INPP4B: variants seen among roughly 807,000 people sequenced by gnomAD.
INPP4B encodes the protein inositol polyphosphate 4-phosphatase type II.
A neutral mutation model predicts 122.5 loss-of-function variants in INPP4B; 55 were observed. The observed-to-expected ratio is 0.45, with a 90% CI of 0.36 to 0.56. The LOEUF is 0.56. Ranked by LOEUF, INPP4B falls within the 20% of genes least tolerant of loss-of-function variation. The pLI, the probability that INPP4B is intolerant of heterozygous loss-of-function variation, is 0.00. For synonymous variants in INPP4B, 403 were observed against 388.7 expected (o/e 1.04, Z -0.43); for missense variants, 1,000 against 1,097.7 (o/e 0.91, Z 1.26).
At chr4:142,131,677 C>T (rs1054195085) in intron 18 of INPP4B, among the ~76,000 whole-genome samples, 5 of 152,186 alleles carry the variant, frequency 3.3e-5, no homozygotes, top group Non-Finnish European at 7.4e-5. Flanking sequence ...GCCCTACAGC[C>T]GAGCGTGGTG....
intron 2 of INPP4B, among the ~76,000 whole-genome samples, chr4:142,546,233 C>T (rs1380642588): frequency 6.6e-6 from 1 of 152,048 alleles, no homozygotes; most frequent in Non-Finnish European, 1.5e-5. Context: ...TAATGGCCTC[C>T]AGCTCTATCT....
chr4:142,816,670 A>G (rs905274891), intron 1 of INPP4B, among the ~76,000 whole-genome samples: 1 of 152,132 alleles, frequency 6.6e-6, no homozygotes, highest in Non-Finnish European at 1.5e-5. Context: ...ACAGAAATAT[A>G]TATACATATA....
At chr4:142,488,134 C>T (rs938772744) in intron 2 of INPP4B, among the ~76,000 whole-genome samples, 1 of 151,992 alleles carries the variant, frequency 6.6e-6, no homozygotes, top group Admixed American at 6.6e-5. Context: ...TTTTCAGTTG[C>T]TTTTTCTACC....
At chr4:142,116,788 A>G (rs538186223) in intron 21 of INPP4B, among the ~76,000 whole-genome samples, 2 of 152,322 alleles carry the variant, frequency 1.3e-5, no homozygotes, top group East Asian at 1.9e-4. Flanking sequence ...AAAAGCTAGC[A>G]GAAGGCAAGA....
chr4:142,448,297 T>C (rs760557308), intron 3 of INPP4B, among the ~76,000 whole-genome samples: 4 of 122,196 alleles, frequency 3.3e-5, no homozygotes, highest in Non-Finnish European at 4.8e-5. Context: ...AGATATAAAG[T>C]GCCGAATCAA....
intron 1 of INPP4B, among the ~76,000 whole-genome samples, chr4:142,737,708 A>G (rs1243662471): frequency 6.6e-6 from 1 of 152,182 alleles, no homozygotes; most frequent in Non-Finnish European, 1.5e-5. Flanking sequence ...TTTACAATCT[A>G]CTCATCTGAC....
intron 18 of INPP4B, among the ~76,000 whole-genome samples, chr4:142,139,357 A>T (rs1806505371): frequency 6.6e-6 from 1 of 152,138 alleles, no homozygotes; most frequent in Non-Finnish European, 1.5e-5. Context: ...CCCAGCCTGG[A>T]GTGCAATGGC....
intron 1 of INPP4B, among the ~76,000 whole-genome samples, chr4:142,735,047 G>C (rs772706318): frequency 3.3e-5 from 5 of 152,100 alleles, no homozygotes; most frequent in Non-Finnish European, 7.4e-5. Flanking sequence ...GTGATCATTG[G>C]AGAACCGACG....
At chr4:142,305,829 A>G in intron 8 of INPP4B, 1 of 1,146,020 alleles carries the variant, frequency 8.7e-7, no homozygotes, top group Non-Finnish European at 1.1e-6. Flanking sequence ...TTTTCTCTGC[A>G]TATGAAAACT....
At chr4:142,492,103 C>G (rs147229101) in intron 2 of INPP4B, among the ~76,000 whole-genome samples, 156 of 152,118 alleles carry the variant, frequency 1.0e-3, no homozygotes, top group African/African-American at 3.5e-3. Context: ...AAGGGCTTTT[C>G]ACCCTTTGCT....
intron 14 of INPP4B, among the ~76,000 whole-genome samples, chr4:142,201,302 A>G (rs1302435554): frequency 1.3e-5 from 2 of 152,196 alleles, no homozygotes; most frequent in East Asian, 3.9e-4. Flanking sequence ...ACAGTTGTGT[A>G]ATCTTTAACT....
intron 7 of INPP4B, among the ~76,000 whole-genome samples, chr4:142,386,940 A>G (rs1579920818): frequency 6.6e-6 from 1 of 152,300 alleles, no homozygotes; most frequent in East Asian, 1.9e-4. Context: ...TTGATCTCTC[A>G]GAGCAGCTGG....
intron 9 of INPP4B, among the ~76,000 whole-genome samples, chr4:142,290,982 A>ATT (rs1756235539): frequency 6.6e-6 from 1 of 152,112 alleles, no homozygotes; most frequent in Non-Finnish European, 1.5e-5. Flanking sequence ...TATTATTTTT[A>ATT]AATCTCAAAT....
chr4:142,394,630 G>A (rs1460265074), intron 7 of INPP4B, among the ~76,000 whole-genome samples: 1 of 152,044 alleles, frequency 6.6e-6, no homozygotes, highest in African/African-American at 2.4e-5. Context: ...TTTGACGAAT[G>A]TTTATGCAGG....
intron 9 of INPP4B, among the ~76,000 whole-genome samples, chr4:142,287,866 TG>T (rs1166997427): frequency 6.6e-6 from 1 of 152,182 alleles, no homozygotes; most frequent in East Asian, 1.9e-4. Context: ...CAGACATTTT[TG>T]TTTTCATAGT....
chr4:142,398,404 ATAT>A (rs1800311123), intron 7 of INPP4B, among the ~76,000 whole-genome samples: 35 of 10,700 alleles, frequency 3.3e-3, no homozygotes, highest in African/African-American at 5.6e-3. Context: ...AAAAAAAAAT[ATAT>A]ATATATATAT....
intron 2 of INPP4B, among the ~76,000 whole-genome samples, chr4:142,716,651 G>A (rs1197456365): frequency 6.6e-6 from 1 of 152,194 alleles, no homozygotes; most frequent in Non-Finnish European, 1.5e-5. Flanking sequence ...ATCCTGAAAG[G>A]TAAAGTTTCC....
chr4:142,498,055 A>G (rs931560452), intron 2 of INPP4B, among the ~76,000 whole-genome samples: 3 of 151,880 alleles, frequency 2.0e-5, no homozygotes, highest in Admixed American at 2.0e-4. Context: ...GGAACTTGAA[A>G]TTATAGCACA....
At chr4:142,032,687 G>A (rs1431123551) in intron 25 of INPP4B, among the ~76,000 whole-genome samples, 1 of 152,156 alleles carries the variant, frequency 6.6e-6, no homozygotes, top group African/African-American at 2.4e-5. Flanking sequence ...TCTGCCACTT[G>A]CTAGTGGAGT....
Sources: gnomAD v4.1 joint callset for allele counts (sites outside exome capture counted in the v4.1 genomes callset) on GRCh38, gnomAD v4.1.1 for gene constraint, MANE v1.5 for transcripts, NCBI Gene and HGNC (gene_info 2026-07-23, HGNC 2026-07-21) for gene names.